FTO: variants seen among roughly 807,000 people sequenced by gnomAD.
FTO encodes the protein FTO alpha-ketoglutarate dependent dioxygenase, also known as alpha-ketoglutarate-dependent dioxygenase FTO.
In FTO, 47 loss-of-function variants were observed where a neutral mutation model predicts 63.9. That is an observed-to-expected ratio of 0.74 (90% confidence interval 0.58 to 0.94). The LOEUF is 0.94. FTO is among the 40% of genes least tolerant of loss of function. The pLI is 0.00. For synonymous variants in FTO, 207 were observed against 224.4 expected (o/e 0.92, Z 0.69); for missense variants, 562 against 618.1 (o/e 0.91, Z 0.96).
chr16:53,970,609 A>G (rs1462380785), intron 8 of FTO, among the ~76,000 whole-genome samples: 3 of 150,200 alleles, frequency 2.0e-5, no homozygotes, highest in African/African-American at 7.4e-5. Flanking sequence ...AAAAAAAAAG[A>G]AAAGAAAAAA....
At position 53,801,092 on chromosome 16, in the gene FTO, C is replaced by T. The variant is rs148440720; in HGVS notation, c.46-9048C>T. On this transcript the variant is annotated intron_variant, in intron 1 of 8. Coordinates refer to ENST00000471389, the MANE Select transcript of FTO (RefSeq NM_001080432.3). ...TTAATTGGGTTATTTAGATCATTTA[C>T]AGTTATTGTGATTGTTTCTATGGTT... Among the ~76,000 whole-genome samples, 371 of 152,180 alleles carry T rather than the reference C, an allele frequency of 2.4e-3. 1 individual carries two copies. The highest frequency in any genetic ancestry group is 8.3e-3 in the African/African-American group (345 of 41,558).
In FTO at chr16:53,756,021, G is replaced by T. The variant is rs140771335; in HGVS notation, c.45+51792G>T. Among the ~76,000 whole-genome samples the T allele has an allele frequency of 5.9e-5, 9 of 152,230 alleles. No homozygotes were observed. In the East Asian group the frequency reaches 1.7e-3, roughly 29 times the overall value. ...TTCTACACTTGCAGAAGATGAAAACGCCAAACCCTTGGATTGCCTTTTCCC... is the reference window on the plus strand; with the variant it reads ...TTCTACACTTGCAGAAGATGAAAACTCCAAACCCTTGGATTGCCTTTTCCC... On this transcript the variant is annotated intron_variant, in intron 1 of 8. Transcript: ENST00000471389.
intron 1 of FTO, among the ~76,000 whole-genome samples, chr16:53,797,915 T>C (rs892995582): frequency 1.3e-5 from 2 of 152,152 alleles, no homozygotes; most frequent in Non-Finnish European, 2.9e-5. Flanking sequence ...GAGTTTCGTA[T>C]GTTTTCTAAT....
At chr16:53,747,116 A>G (rs2076669147) in intron 1 of FTO, among the ~76,000 whole-genome samples, 1 of 152,190 alleles carries the variant, frequency 6.6e-6, no homozygotes, top group African/African-American at 2.4e-5. Flanking sequence ...GTTGATGAAC[A>G]CTTTGGTTGA....
intron 1 of FTO, among the ~76,000 whole-genome samples, chr16:53,720,406 A>G (rs1269033759): frequency 6.6e-6 from 1 of 151,700 alleles, no homozygotes; most frequent in Non-Finnish European, 1.5e-5. Flanking sequence ...TATCTCATCC[A>G]CCACTTCTCC....
chr16:54,081,125 C>T (rs1160844639), intron 8 of FTO, among the ~76,000 whole-genome samples: 1 of 151,714 alleles, frequency 6.6e-6, no homozygotes, highest in Non-Finnish European at 1.5e-5. Context: ...TATTTTTTTT[C>T]AACAAAAGAA....
chr16:54,058,309 G>C (rs189865190), intron 8 of FTO, among the ~76,000 whole-genome samples: 129 of 152,214 alleles, frequency 8.5e-4, no homozygotes, highest in Middle Eastern at 3.4e-3. Flanking sequence ...TTTTAATAGA[G>C]ATGGGGTTTT....
chr16:53,882,500 T>C (rs1040548219), intron 6 of FTO, among the ~76,000 whole-genome samples: 5 of 152,102 alleles, frequency 3.3e-5, no homozygotes, highest in African/African-American at 1.2e-4. Context: ...ATCTGGGGAA[T>C]TGCATTTTGG....
intron 7 of FTO, chr16:53,923,088 G>A (rs570366223): frequency 8.5e-5 from 13 of 152,268 alleles, no homozygotes; most frequent in African/African-American, 3.1e-4. Flanking sequence ...GGAAAACAGA[G>A]GGAGAAAGAA....
intron 1 of FTO, among the ~76,000 whole-genome samples, chr16:53,751,016 A>G (rs1449297679): frequency 6.6e-6 from 1 of 152,168 alleles, no homozygotes; most frequent in Non-Finnish European, 1.5e-5. Flanking sequence ...TAATTTTCAT[A>G]TTCATCTTCA....
intron 7 of FTO, among the ~76,000 whole-genome samples, chr16:53,900,403 A>T (rs1389755042): frequency 6.6e-6 from 1 of 152,168 alleles, no homozygotes; most frequent in Non-Finnish European, 1.5e-5. Flanking sequence ...GCAATGTGTT[A>T]AGACTCTTGG....
rs976229346 is a variant in FTO, at chr16:54,116,960, T to G, written c.*5045T>G. Reference sequence around the variant, plus strand: ...TCCCAGGACAGTCCTAATTCCCACCTCTCAGAACCTTGTCAGCCAAGTTCT... The same window carrying G: ...TCCCAGGACAGTCCTAATTCCCACCGCTCAGAACCTTGTCAGCCAAGTTCT... On this transcript the variant is annotated 3_prime_UTR_variant, in exon 9 of 9. Coordinates refer to ENST00000471389, the MANE Select transcript of FTO (RefSeq NM_001080432.3). 2 of 152,256 alleles carry G rather than the reference T, an allele frequency of 1.3e-5. No homozygotes were observed. Among genetic ancestry groups the G allele is most frequent in the African/African-American group, 4.8e-5 (2 of 41,436 alleles). The allele number at this position is 152,256 out of a possible 1,614,324, so 9.4% of individuals were successfully genotyped here.
intron 8 of FTO, among the ~76,000 whole-genome samples, chr16:54,022,177 C>T (rs2084618104): frequency 6.6e-6 from 1 of 152,146 alleles, no homozygotes; most frequent in Non-Finnish European, 1.5e-5. Context: ...CCTAAGTCTA[C>T]AGTTGAGAGC....
chr16:53,897,654 G>A (rs1315799505), intron 7 of FTO, among the ~76,000 whole-genome samples: 1 of 152,128 alleles, frequency 6.6e-6, no homozygotes, highest in Non-Finnish European at 1.5e-5. Context: ...TTAAAGGATG[G>A]GAGTGGTGGC....
chr16:53,859,602 G>A (rs1269709178), intron 4 of FTO, among the ~76,000 whole-genome samples: 1 of 150,850 alleles, frequency 6.6e-6, no homozygotes, highest in African/African-American at 2.4e-5. Context: ...AGGTTAACAA[G>A]TAACCTGACC....
intron 2 of FTO, among the ~76,000 whole-genome samples, chr16:53,823,173 A>T (rs1340282815): frequency 6.6e-6 from 1 of 152,074 alleles, no homozygotes; most frequent in Non-Finnish European, 1.5e-5. Flanking sequence ...AGTGATTTTC[A>T]TGCTGCCAAA....
chr16:53,704,128 G>A, upstream of FTO: 1 of 1,517,554 alleles, frequency 6.6e-7, no homozygotes, highest in Non-Finnish European at 9.0e-7. Context: ...CAGGAGGCGG[G>A]GTCCAGGGCG....
At chr16:53,819,087 G>A (rs1182030783) in intron 2 of FTO, among the ~76,000 whole-genome samples, 3 of 152,094 alleles carry the variant, frequency 2.0e-5, no homozygotes, top group African/African-American at 7.2e-5. Flanking sequence ...TCAACAATAT[G>A]TATTACTATT....
At chr16:53,830,164 C>G (rs1045300889) in intron 3 of FTO, among the ~76,000 whole-genome samples, 2 of 152,098 alleles carry the variant, frequency 1.3e-5, no homozygotes, top group African/African-American at 4.8e-5. Flanking sequence ...GTATAGGATA[C>G]GTGTAATTAT....
Sources: allele counts gnomAD v4.1 joint callset (sites outside exome capture counted in the v4.1 genomes callset), GRCh38; gene constraint gnomAD v4.1.1; transcripts MANE v1.5; gene names NCBI Gene and HGNC (gene_info 2026-07-23, HGNC 2026-07-21).